Variants in EYS observed in about 807,000 individuals in gnomAD.
The protein encoded by EYS is protein eyes shut homolog.
A neutral mutation model predicts 282.1 loss-of-function variants in EYS; 250 were observed. The observed-to-expected ratio is 0.89, with a 90% confidence interval of 0.80 to 0.98. EYS has a LOEUF of 0.98. Ranked by LOEUF, EYS falls within the 50% of genes least tolerant of loss-of-function variation. The probability of loss-of-function intolerance (pLI) is 0.00; values close to 1 mark genes in which losing one functional copy is unlikely to be tolerated. For synonymous variants in EYS, 1,355 were observed against 1,282.9 expected, an observed-to-expected ratio of 1.06 and a Z score of -1.20; for missense variants, 4,016 against 3,709.0, an observed-to-expected ratio of 1.08 and a Z score of -2.15.
intron 31 of EYS, among the ~76,000 whole-genome samples, chr6:64,097,005 G>T (rs192704978): frequency 4.3e-4 from 66 of 152,310 alleles, no homozygotes; most frequent in African/African-American, 1.5e-3. Flanking sequence ...GTTGGAGTTT[G>T]CTGGAGGTCC....
At chr6:65,122,050 C>T (rs62407205) in intron 12 of EYS, among the ~76,000 whole-genome samples, 34,698 of 151,884 alleles carry the variant, frequency 0.23, 4,540 homozygotes, top group African/African-American at 0.35. Flanking sequence ...AAATAGCCAC[C>T]TATGTCTTTT....
At chr6:64,745,140 T>C (rs1010399536) in intron 22 of EYS, among the ~76,000 whole-genome samples, 2 of 152,146 alleles carry the variant, frequency 1.3e-5, no homozygotes, top group Non-Finnish European at 2.9e-5. Flanking sequence ...TTTTTTTCTT[T>C]GAAACATTTC....
chr6:65,023,040 G>A (rs939174585), intron 13 of EYS, among the ~76,000 whole-genome samples: 1 of 152,062 alleles, frequency 6.6e-6, no homozygotes. Flanking sequence ...TAATGGGTAT[G>A]GCTTTTATTT....
intron 5 of EYS, among the ~76,000 whole-genome samples, chr6:65,460,748 G>T (rs1178988683): frequency 6.6e-6 from 1 of 151,942 alleles, no homozygotes; most frequent in Admixed American, 6.6e-5. Flanking sequence ...CAACACAATA[G>T]TTGCCAAATA....
chr6:63,859,935 T>C (rs139629407), intron 36 of EYS, among the ~76,000 whole-genome samples: 47 of 152,320 alleles, frequency 3.1e-4, no homozygotes, highest in Middle Eastern at 6.8e-3. Flanking sequence ...AAAAGTGCTA[T>C]GTAGTAGACA....
At chr6:63,932,046 A>G (rs534058723) in intron 35 of EYS, among the ~76,000 whole-genome samples, 79 of 152,226 alleles carry the variant, frequency 5.2e-4, no homozygotes, top group African/African-American at 1.8e-3. Flanking sequence ...TAGTTTCCAC[A>G]TATGAATGTG....
At chr6:65,326,370 G>A (rs1288666962) in intron 11 of EYS, among the ~76,000 whole-genome samples, 1 of 151,164 alleles carries the variant, frequency 6.6e-6, no homozygotes, top group Non-Finnish European at 1.5e-5. Context: ...GATTAGAAAT[G>A]CTATGTATAT....
chr6:64,777,708 A>G (rs983755697), intron 22 of EYS, among the ~76,000 whole-genome samples: 1 of 152,160 alleles, frequency 6.6e-6, no homozygotes, highest in African/African-American at 2.4e-5. Flanking sequence ...TGGTTCATAT[A>G]TAAGGTATTC....
chr6:64,917,457 G>A (rs1768201735), intron 15 of EYS, among the ~76,000 whole-genome samples: 1 of 152,020 alleles, frequency 6.6e-6, no homozygotes, highest in Non-Finnish European at 1.5e-5. Context: ...ACAAACCTAA[G>A]TGTATATGCA....
At chr6:64,791,412 T>G (rs993237904) in intron 22 of EYS, among the ~76,000 whole-genome samples, 15 of 151,792 alleles carry the variant, frequency 9.9e-5, no homozygotes, top group Non-Finnish European at 1.8e-4. Context: ...TCAAGCACAA[T>G]GTACCATAAA....
At chr6:63,798,941 ATATATATATATATGTATATGTG>A (rs1346305372) in intron 37 of EYS, among the ~76,000 whole-genome samples, 11 of 138,404 alleles carry the variant, frequency 7.9e-5, no homozygotes, top group East Asian at 4.0e-4. Flanking sequence ...TTCTTCTAAA[ATATATATATATATGTATATGTG>A]TATATATATA....
chr6:64,838,459 G>T (rs80121658), intron 19 of EYS, among the ~76,000 whole-genome samples: 14 of 152,072 alleles, frequency 9.2e-5, no homozygotes, highest in African/African-American at 3.4e-4. Context: ...CTGGTTAAAT[G>T]AGAGTAAAAC....
rs940137525 is a variant in EYS at position 65,681,148 on chromosome 6, C to G, written c.-448+25987G>C. Among the ~76,000 whole-genome samples the G allele has an allele frequency of 4.1e-5, 6 of 145,906 alleles. No individual in the cohort carries two copies. The Admixed American group carries it at 4.2e-4, about 10-fold the overall frequency. The stretch of plus-strand genomic sequence containing the variant: ...TCAATTCAGTTCTCACACTCTACCT[C>G]GTAGCAAATGAGCCACAGGTTGAAG... On this transcript the variant is annotated intron_variant, in intron 1 of 42. Transcript: ENST00000503581.
At chr6:65,087,033 G>A (rs1436992130) in intron 12 of EYS, among the ~76,000 whole-genome samples, 2 of 152,052 alleles carry the variant, frequency 1.3e-5, no homozygotes. Flanking sequence ...ATGTTGGCCA[G>A]AACAGTCTCA....
chr6:64,130,309 G>T (rs1360650204), intron 31 of EYS, among the ~76,000 whole-genome samples: 3 of 152,166 alleles, frequency 2.0e-5, no homozygotes, highest in Non-Finnish European at 4.4e-5. Flanking sequence ...CATAAAAGAG[G>T]ATGAGTTCAT....
At chr6:65,561,687 G>A in intron 2 of EYS, among the ~76,000 whole-genome samples, 1 of 152,052 alleles carries the variant, frequency 6.6e-6, no homozygotes, top group East Asian at 1.9e-4. Flanking sequence ...ATAAATATTA[G>A]ATGGCATCTT....
At chr6:65,622,304 T>C (rs186943946) in intron 2 of EYS, among the ~76,000 whole-genome samples, 1 of 152,204 alleles carries the variant, frequency 6.6e-6, no homozygotes, top group African/African-American at 2.4e-5. Context: ...AGTTGCTCTG[T>C]ATCAGGTTAG....
At chr6:64,464,041 C>T (rs1775842133) in intron 26 of EYS, among the ~76,000 whole-genome samples, 2 of 152,154 alleles carry the variant, frequency 1.3e-5, no homozygotes, top group Non-Finnish European at 2.9e-5. Flanking sequence ...CTCCTATATA[C>T]TTCTCAACAA....
At chr6:65,320,157 AAAC>A (rs1769431526) in intron 11 of EYS, among the ~76,000 whole-genome samples, 1 of 152,114 alleles carries the variant, frequency 6.6e-6, no homozygotes, top group Admixed American at 6.5e-5. Flanking sequence ...AGGAAAAAAA[AAAC>A]ACACACACAC....
Sources: allele counts gnomAD v4.1 joint callset (sites outside exome capture counted in the v4.1 genomes callset), GRCh38; gene constraint gnomAD v4.1.1; transcripts MANE v1.5; gene names NCBI Gene and HGNC (gene_info 2026-07-23, HGNC 2026-07-21).